The following PLEKHM2 variants were observed in gnomAD, a reference collection of about 807,000 sequenced individuals.
PLEKHM2 encodes the protein pleckstrin homology and RUN domain containing M2.
Under a neutral mutation model 116.3 loss-of-function variants are expected in PLEKHM2, and 77 were observed. The ratio of observed to expected loss-of-function variants is 0.66; its 90% CI spans 0.55 to 0.80. The LOEUF is 0.80. Among genes scored for constraint, PLEKHM2 ranks in the 30% least tolerant of loss-of-function variants. The pLI, the probability that PLEKHM2 is intolerant of heterozygous loss-of-function variation, is 0.00. For synonymous variants in PLEKHM2, 562 were observed against 571.0 expected, an observed-to-expected ratio of 0.98 and a Z score of 0.22; for missense variants, 1,183 against 1,354.9, an observed-to-expected ratio of 0.87 and a Z score of 1.99.
intron 15 of PLEKHM2, among the ~76,000 whole-genome samples, 173 bp from the exon 16 acceptor site, chr1:15,731,019 C>T (rs186148797): frequency 2.3e-3 from 354 of 152,334 alleles, no homozygotes; most frequent in African/African-American, 8.2e-3. Flanking sequence ...ACATTCCCTG[C>T]TGGGCCCCCA....
rs949023126 is a variant in PLEKHM2 at position 15,734,011 on chromosome 1, TC to T, written c.*78del. The T allele has an allele frequency of 6.4e-5, 95 of 1,495,046 alleles. No individual in the cohort carries two copies. The African/African-American group carries it at 1.2e-3, about 19-fold the overall frequency. 92.6% of individuals were successfully genotyped at this position (1,495,046 alleles called of 1,614,324 possible). Reference sequence around the variant, plus strand: ...GGCAGGCACACTGTCACGGCTGTTGTCATGCTGTCGGGAGCCTACAGTCCAC... The same window carrying T: ...GGCAGGCACACTGTCACGGCTGTTGTATGCTGTCGGGAGCCTACAGTCCAC... On this transcript the variant is annotated 3_prime_UTR_variant, in exon 20 of 20. Coordinates refer to ENST00000375799, the MANE Select transcript of PLEKHM2 (RefSeq NM_015164.4).
rs866136011 is a variant in PLEKHM2 at position 15,684,508 on chromosome 1, C to G, written c.-51C>G. 2.3e-6 allele frequency: 1 copy of G among 427,194 alleles called. No individual in the cohort carries two copies. The highest frequency in any genetic ancestry group is 2.9e-6 in the Non-Finnish European group (1 of 348,624). The allele number at this position is 427,194 out of a possible 1,614,324, so 26.5% of individuals were successfully genotyped here. ...CGGCCCCCGGCGCGGGAAGCGGCGGCGGGGCGGCGGCGGCGGTGGCGGTGG... is the reference window on the plus strand; with the variant it reads ...CGGCCCCCGGCGCGGGAAGCGGCGGGGGGGCGGCGGCGGCGGTGGCGGTGG... On this transcript the variant is annotated 5_prime_UTR_variant, in exon 1 of 20. Coordinates refer to ENST00000375799, the MANE Select transcript of PLEKHM2 (RefSeq NM_015164.4).
intron 1 of PLEKHM2, among the ~76,000 whole-genome samples, chr1:15,690,007 C>T (rs193161236): frequency 1.3e-4 from 20 of 150,594 alleles, no homozygotes; most frequent in Middle Eastern, 3.6e-3. Flanking sequence ...CTGCCTGCTT[C>T]GGCCTCCCAA....
At chr1:15,716,472 TC>T in intron 2 of PLEKHM2, 129 bp downstream of exon 2, 1 of 689,226 alleles carries the variant, frequency 1.5e-6, no homozygotes, top group South Asian at 1.8e-5. Flanking sequence ...TTTGTCCCAC[TC>T]AAGTGGGCCA....
chr1:15,708,331 C>T (rs1641265890), intron 1 of PLEKHM2, among the ~76,000 whole-genome samples: 1 of 151,996 alleles, frequency 6.6e-6, no homozygotes, highest in Admixed American at 6.6e-5. Flanking sequence ...GTTCTTCTGC[C>T]TCAGCCTCCC....
chr1:15,701,913 C>T (rs1014960365), intron 1 of PLEKHM2, among the ~76,000 whole-genome samples: 1 of 152,212 alleles, frequency 6.6e-6, no homozygotes. Context: ...TCACAAGAGG[C>T]TGCGCCTGAA....
chr1:15,732,038 T>A lies in PLEKHM2; in HGVS notation c.2615T>A (p.Val872Glu). The A allele has an allele frequency of 6.2e-7, 1 of 1,611,380 alleles. No individual in the cohort carries two copies. The highest frequency in any genetic ancestry group is 8.5e-7 in the Non-Finnish European group (1 of 1,179,238). ...TGGATGCAGCATCTCTGCCAGGCTG[T>A]GTCCAAAGGGGTGAGCTTCGCCTGC... is the stretch of plus-strand genomic sequence containing the variant. The part of the protein sequence containing the change: ...AEWMQHLCQA[V>E]SKGVIPQGVA... Residue 872 changes from valine to glutamate, a missense_variant, in exon 17 of 20, where the codon GTG becomes GAG. By Grantham distance (121) the Val-to-Glu change is moderately radical. This residue lies in a region of PLEKHM2 where 594 missense variants were observed against 720.1 expected (regional missense o/e 0.82). Coordinates refer to ENST00000375799, the MANE Select transcript of PLEKHM2 (RefSeq NM_015164.4).
In PLEKHM2 at chr1:15,709,338, A is replaced by G. The variant is rs182097113; in HGVS notation, c.61-6899A>G. Among the ~76,000 whole-genome samples, 30 of 151,678 alleles carry G rather than the reference A, an allele frequency of 2.0e-4. No homozygotes were observed. The East Asian group carries it at 5.8e-3, about 29-fold the overall frequency. On this transcript the variant is annotated intron_variant, in intron 1 of 19. Transcript: ENST00000375799. ...TTTCTTCGATGTTTGCTTTCCTTCC[A>G]CTCCTGTTCTTTCAGAGCCTTCTGA...
At chr1:15,686,648 A>T (rs71631740) in intron 1 of PLEKHM2, among the ~76,000 whole-genome samples, 28,458 of 133,938 alleles carry the variant, frequency 0.21, 3,208 homozygotes, top group African/African-American at 0.3. Context: ...ACCCGGCTAA[A>T]TTTTTTTTTT....
At chr1:15,685,557 A>AAAAAAAAAAAAAG (rs1553157089) in intron 1 of PLEKHM2, among the ~76,000 whole-genome samples, 1 of 147,942 alleles carries the variant, frequency 6.8e-6, no homozygotes, top group African/African-American at 2.6e-5. Context: ...AAAAAAAAAA[A>AAAAAAAAAAAAAG]AAAGAAAGAA....
At chr1:15,701,687 A>T (rs1641116612) in intron 1 of PLEKHM2, among the ~76,000 whole-genome samples, 1 of 151,952 alleles carries the variant, frequency 6.6e-6, no homozygotes, top group African/African-American at 2.4e-5. Flanking sequence ...GCTGCTTGGG[A>T]GGCTGAGGCA....
chr1:15,682,006 A>G (rs1571007203), upstream of PLEKHM2, among the ~76,000 whole-genome samples: 1 of 151,876 alleles, frequency 6.6e-6, no homozygotes, highest in Admixed American at 6.6e-5. Flanking sequence ...GGAGTTCAAG[A>G]CCAGCCTGGG....
chr1:15,733,415 T>C (rs1444587872), intron 19 of PLEKHM2, among the ~76,000 whole-genome samples: 2 of 152,254 alleles, frequency 1.3e-5, no homozygotes, highest in Admixed American at 6.5e-5. Context: ...AGCGTGCTCA[T>C]GAGAGCCCTG....
chr1:15,689,043 G>A (rs1275804330), intron 1 of PLEKHM2, among the ~76,000 whole-genome samples: 1 of 152,096 alleles, frequency 6.6e-6, no homozygotes, highest in Non-Finnish European at 1.5e-5. Flanking sequence ...GAGGTCAGGA[G>A]ATCGAGACCG....
chr1:15,731,417 A>G (rs1488689344), intron 16 of PLEKHM2, among the ~76,000 whole-genome samples, 160 bp downstream of exon 16: 1 of 152,066 alleles, frequency 6.6e-6, no homozygotes, highest in Non-Finnish European at 1.5e-5. Flanking sequence ...TGAGGGCTGC[A>G]AGGAGCCCAC....
At chr1:15,682,046 A>C (rs2148320410), upstream of PLEKHM2, among the ~76,000 whole-genome samples, 1 of 152,106 alleles carries the variant, frequency 6.6e-6, no homozygotes, top group East Asian at 1.9e-4. Context: ...CTCTACAAAA[A>C]ATAAAATTCG....
intron 1 of PLEKHM2, among the ~76,000 whole-genome samples, chr1:15,702,575 G>A (rs907011559): frequency 6.6e-5 from 10 of 152,078 alleles, no homozygotes; most frequent in East Asian, 1.9e-4. Context: ...GCACCACCAC[G>A]CCCAGCTAAT....
intron 1 of PLEKHM2, among the ~76,000 whole-genome samples, chr1:15,685,202 T>C (rs1407928275): frequency 6.6e-6 from 1 of 152,230 alleles, no homozygotes; most frequent in African/African-American, 2.4e-5. Flanking sequence ...TTTTGGATGC[T>C]GATCCGGGGA....
chr1:15,695,149 CTT>C (rs1640968422), intron 1 of PLEKHM2, among the ~76,000 whole-genome samples: 1 of 152,180 alleles, frequency 6.6e-6, no homozygotes, highest in African/African-American at 2.4e-5. Flanking sequence ...GTATTAGTTT[CTT>C]ATAATTCCCT....
Sources: gnomAD v4.1 joint callset for allele counts (sites outside exome capture counted in the v4.1 genomes callset) on GRCh38, gnomAD v4.1.1 for gene constraint, gnomAD v4.1.1 regional missense constraint, MANE v1.5 for transcripts, NCBI Gene and HGNC (gene_info 2026-07-23, HGNC 2026-07-21) for gene names.